ARMC3: variants seen among roughly 807,000 people sequenced by gnomAD.
The protein encoded by ARMC3 is armadillo repeat-containing protein 3.
Under a neutral mutation model 90.3 loss-of-function variants are expected in ARMC3, and 74 were observed. That is an observed-to-expected ratio of 0.82 (90% CI 0.68 to 0.99). ARMC3 has a LOEUF of 0.99. ARMC3 is among the 50% of genes least tolerant of loss of function. ARMC3 has a pLI of 0.00. For missense variants in ARMC3, 958 were observed against 1,042.8 expected, an observed-to-expected ratio of 0.92 and a Z score of 1.12; for synonymous variants, 334 against 361.8, an observed-to-expected ratio of 0.92 and a Z score of 0.87.
chr10:23,002,104 C>G, intron 12 of ARMC3, 49 bp downstream of exon 12: 1 of 1,596,470 alleles, frequency 6.3e-7, no homozygotes, highest in South Asian at 1.1e-5. Context: ...GAGCAGAAGA[C>G]GGAGAGGCAC....
At chr10:22,959,944 T>G (rs1295400205) in intron 6 of ARMC3, 2 of 410,304 alleles carry the variant, frequency 4.9e-6, no homozygotes, top group African/African-American at 2.1e-5. Context: ...TATACCCTAT[T>G]CAATGTACTG....
intron 10 of ARMC3, among the ~76,000 whole-genome samples, chr10:22,990,948 C>G (rs1162333901): frequency 1.3e-5 from 2 of 152,056 alleles, no homozygotes; most frequent in East Asian, 1.9e-4. Context: ...TCCCCGGGTT[C>G]CTTTCCCTAG....
At chr10:22,974,673 C>T (rs1368048326) in intron 8 of ARMC3, among the ~76,000 whole-genome samples, 5 of 151,296 alleles carry the variant, frequency 3.3e-5, no homozygotes, top group African/African-American at 9.7e-5. Flanking sequence ...GACTGAGTCT[C>T]GCTCTGTTGC....
At chr10:22,939,150 G>C (rs1050607742) in intron 2 of ARMC3, among the ~76,000 whole-genome samples, 1 of 152,170 alleles carries the variant, frequency 6.6e-6, no homozygotes, top group Non-Finnish European at 1.5e-5. Context: ...TACAGAGGAT[G>C]ATTACTATCT....
In ARMC3 at chr10:23,037,522, T is replaced by C; in HGVS notation, c.*43T>C. 1 of 1,523,308 alleles carries C rather than the reference T, an allele frequency of 6.6e-7. No individual in the cohort carries two copies. The highest frequency in any genetic ancestry group is 9.0e-7 in the Non-Finnish European group (1 of 1,108,848). 94.4% of individuals were successfully genotyped at this position (1,523,308 alleles called of 1,614,324 possible). A position where few individuals can be genotyped will look rare whatever the true frequency, so the allele number is the denominator to read the frequency against. Reference sequence around the variant, plus strand: ...AGAGAGGCTCAAACAAGAAATTCACTGTGTACACTCTCTAAGACATTCTCC... The same window carrying C: ...AGAGAGGCTCAAACAAGAAATTCACCGTGTACACTCTCTAAGACATTCTCC... On this transcript the variant is annotated 3_prime_UTR_variant, in exon 19 of 19. Transcript: ENST00000298032.
intron 3 of ARMC3, chr10:22,955,144 CT>C (rs1171425293): frequency 6.6e-6 from 1 of 152,260 alleles, no homozygotes; most frequent in Non-Finnish European, 1.5e-5. Flanking sequence ...GAGCTCACAT[CT>C]TTACTCAGTT....
At chr10:23,002,894 G>A (rs78463553) in intron 12 of ARMC3, among the ~76,000 whole-genome samples, 3,555 of 152,200 alleles carry the variant, frequency 0.023, 145 homozygotes, top group African/African-American at 0.083. Context: ...AGTTTCTATA[G>A]ACAGGTTTCA....
chr10:22,982,879 A>G (rs1836255943), intron 10 of ARMC3, among the ~76,000 whole-genome samples: 1 of 152,158 alleles, frequency 6.6e-6, no homozygotes, highest in Admixed American at 6.5e-5. Context: ...CTATTCTCCC[A>G]CACAAATTAT....
At chr10:23,004,249 G>C (rs1189497454) in intron 13 of ARMC3, among the ~76,000 whole-genome samples, 1 of 152,142 alleles carries the variant, frequency 6.6e-6, no homozygotes, top group African/African-American at 2.4e-5. Context: ...GACTGATTTA[G>C]TCAGTATTTT....
intron 16 of ARMC3, among the ~76,000 whole-genome samples, chr10:23,012,250 C>A (rs115636234): frequency 2.7e-4 from 41 of 152,350 alleles, no homozygotes; most frequent in African/African-American, 9.4e-4. Context: ...ATATTTGACA[C>A]TGATATTTTC....
At position 22,946,894 on chromosome 10, in the gene ARMC3, T is replaced by C. The variant is rs371599874; in HGVS notation, c.166+633T>C. ...ACACCACACATCTGGGCATGGTGGCTAATGCCTGTAATCTCAGCACTTCGG... is the reference window on the plus strand; with the variant it reads ...ACACCACACATCTGGGCATGGTGGCCAATGCCTGTAATCTCAGCACTTCGG... On this transcript the variant is annotated intron_variant, in intron 3 of 18. Transcript: ENST00000298032. Among the ~76,000 whole-genome samples, 5 of 152,338 alleles carry C rather than the reference T, an allele frequency of 3.3e-5. No homozygotes were observed. The South Asian group carries it at 8.3e-4, about 25-fold the overall frequency.
chr10:23,027,302 A>G (rs1838748156), intron 16 of ARMC3, among the ~76,000 whole-genome samples: 1 of 152,204 alleles, frequency 6.6e-6, no homozygotes, highest in Non-Finnish European at 1.5e-5. Flanking sequence ...TGCTTTCCTT[A>G]GCATTTTTAA....
chr10:22,997,358 C>T (rs1000408319), intron 10 of ARMC3: 1 of 152,122 alleles, frequency 6.6e-6, no homozygotes, highest in African/African-American at 2.4e-5. Flanking sequence ...TGCTCAAAAA[C>T]AAGGACTATT....
intron 11 of ARMC3, 121 bp from the exon 12 acceptor site, chr10:23,001,798 C>T (rs1169616832): frequency 1.8e-5 from 21 of 1,178,884 alleles, no homozygotes; most frequent in Non-Finnish European, 2.5e-5. Context: ...AAGATAGACA[C>T]ATTCTGAAGC....
Position 23,006,947 on chromosome 10 carries a change from C to T in ARMC3, c.1795C>T (p.Arg599Trp), listed in dbSNP as rs200984302. The change falls in exon 14 of 19, where the codon CGG becomes TGG. Residue 599 changes from arginine (R) to tryptophan (W), a missense_variant. Arg to Trp is a moderately radical substitution (Grantham distance 101). Transcript: ENST00000298032. ...CTGCTTACAAGAACCAAGTGACCTA[C>T]GGGCTGTACTCTTAATCAACAGTAA... ...ELCLQEPSDL[R>W]AVLLINSKSY... 1.6e-4 allele frequency: 263 copies of T among 1,613,150 alleles called. 1 individual carries two copies. The highest frequency in any genetic ancestry group is 1.9e-4 in the Non-Finnish European group (227 of 1,179,644).
intron 7 of ARMC3, among the ~76,000 whole-genome samples, chr10:22,962,380 A>G (rs1239795924): frequency 6.6e-6 from 1 of 152,204 alleles, no homozygotes; most frequent in Admixed American, 6.5e-5. Context: ...TCTGGGATAA[A>G]GCAGAAGCGT....
intron 13 of ARMC3, among the ~76,000 whole-genome samples, chr10:23,005,685 G>A (rs186412853): frequency 5.3e-5 from 8 of 152,242 alleles, no homozygotes; most frequent in East Asian, 3.9e-4. Context: ...CCAACATGGC[G>A]AAACCCTGTC....
At chr10:22,963,345 C>G (rs956740907) in intron 7 of ARMC3, among the ~76,000 whole-genome samples, 9 of 151,960 alleles carry the variant, frequency 5.9e-5, no homozygotes, top group Non-Finnish European at 1.5e-5. Context: ...GAATAACTTG[C>G]CTACGGTTAG....
chr10:22,960,315 T>G (rs1313535867), intron 6 of ARMC3: 1 of 154,176 alleles, frequency 6.5e-6, no homozygotes, highest in Non-Finnish European at 1.4e-5. Flanking sequence ...ATTAATAGAG[T>G]AGGGAATGAG....
Sources: gnomAD v4.1 joint callset for allele counts (sites outside exome capture counted in the v4.1 genomes callset) on GRCh38, gnomAD v4.1.1 for gene constraint, MANE v1.5 for transcripts, NCBI Gene and HGNC (gene_info 2026-07-23, HGNC 2026-07-21) for gene names.